Variants in PRKD1 observed in about 807,000 individuals in gnomAD.
The protein encoded by PRKD1 is protein kinase D1, also known as serine/threonine-protein kinase D1.
In PRKD1, 63 loss-of-function variants were observed where a neutral mutation model predicts 95.9. The ratio of observed to expected loss-of-function variants is 0.66; its 90% CI spans 0.54 to 0.81. The LOEUF is 0.81. Ranked by LOEUF, PRKD1 falls within the 30% of genes least tolerant of loss-of-function variation. The probability of loss-of-function intolerance (pLI) is 0.00; values close to 1 mark genes in which losing one functional copy is unlikely to be tolerated. For missense variants in PRKD1, 1,048 were observed against 1,165.3 expected (o/e 0.90, Z 1.47); for synonymous variants, 425 against 423.1 (o/e 1.00, Z -0.05).
At chr14:29,628,528 G>A (rs1418623943) in intron 11 of PRKD1, among the ~76,000 whole-genome samples, 16 of 152,110 alleles carry the variant, frequency 1.1e-4, no homozygotes, top group Admixed American at 1.0e-3. Flanking sequence ...CAGATGACTA[G>A]GGTGCTAAAA....
chr14:29,711,488 G>A (rs530874580), intron 2 of PRKD1, among the ~76,000 whole-genome samples: 1 of 152,216 alleles, frequency 6.6e-6, no homozygotes, highest in South Asian at 2.1e-4. Flanking sequence ...TTCATTGGTG[G>A]TTAGAAACCA....
chr14:29,712,657 T>C (rs1885391315), intron 2 of PRKD1, among the ~76,000 whole-genome samples: 1 of 152,188 alleles, frequency 6.6e-6, no homozygotes, highest in Non-Finnish European at 1.5e-5. Flanking sequence ...GCATTGCTCT[T>C]TCCAAATACA....
At position 29,597,790 on chromosome 14, in the gene PRKD1, G is replaced by T. The variant is rs373595381; in HGVS notation, c.2167-32C>A. 5.7e-6 allele frequency: 9 copies of T among 1,579,888 alleles called. No individual in the cohort carries two copies. The South Asian group carries it at 8.2e-5, about 14-fold the overall frequency. ...ATGAAAGGATTTGCAGAAATACTCC[G>T]TTCACAATTGTGTGTCTGTGTGTCT... On this transcript the variant is annotated intron_variant, in intron 15 of 17. Coordinates refer to ENST00000331968, the MANE Select transcript of PRKD1 (RefSeq NM_002742.3).
intron 1 of PRKD1, among the ~76,000 whole-genome samples, chr14:29,799,252 G>C (rs138291171): frequency 1.3e-5 from 2 of 152,138 alleles, no homozygotes; most frequent in Non-Finnish European, 2.9e-5. Flanking sequence ...GTTTTAACAT[G>C]GTTAAACAAG....
intron 2 of PRKD1, among the ~76,000 whole-genome samples, chr14:29,719,951 T>G (rs546575093): frequency 7.3e-4 from 111 of 152,240 alleles, no homozygotes; most frequent in South Asian, 1.5e-3. Context: ...TTTTGGAGAG[T>G]TATGCTTCAC....
intron 2 of PRKD1, among the ~76,000 whole-genome samples, chr14:29,696,443 T>A (rs1475593796): frequency 6.6e-6 from 1 of 152,168 alleles, no homozygotes; most frequent in Admixed American, 6.5e-5. Flanking sequence ...TAGAGCTGAT[T>A]CCTATGTTTC....
At chr14:29,723,637 T>C (rs904572748) in intron 2 of PRKD1, among the ~76,000 whole-genome samples, 3 of 150,862 alleles carry the variant, frequency 2.0e-5, no homozygotes, top group Non-Finnish European at 4.4e-5. Flanking sequence ...TGGTTATAGG[T>C]AAGCGCAGGA....
chr14:29,704,080 C>T (rs983690691), intron 2 of PRKD1, among the ~76,000 whole-genome samples: 4 of 152,016 alleles, frequency 2.6e-5, no homozygotes, highest in Admixed American at 6.6e-5. Context: ...CAATACAACA[C>T]GGGACAAAAC....
In PRKD1 at chr14:29,579,472, C is replaced by T. The variant is rs45554636; in HGVS notation, c.2435-1112G>A. On this transcript the variant is annotated intron_variant, in intron 16 of 17. Coordinates refer to ENST00000331968, the MANE Select transcript of PRKD1 (RefSeq NM_002742.3). ...CTTAATCAAACAGGCAGCTGATAAA[C>T]GAAAATGAAAATTAACTCCTCATCT... 8.7e-3 allele frequency among the ~76,000 whole-genome samples: 1,330 copies of T among 152,204 alleles called. 12 individuals are homozygous for T. Among genetic ancestry groups the T allele is most frequent in the African/African-American group, 0.029 (1,221 of 41,558 alleles).
At chr14:29,675,153 A>G (rs1013060597) in intron 2 of PRKD1, among the ~76,000 whole-genome samples, 6 of 152,234 alleles carry the variant, frequency 3.9e-5, no homozygotes, top group Non-Finnish European at 8.8e-5. Flanking sequence ...CCTATTCTTC[A>G]CGAAGATTCA....
At chr14:29,581,924 T>C (rs986709361) in intron 16 of PRKD1, among the ~76,000 whole-genome samples, 11 of 152,180 alleles carry the variant, frequency 7.2e-5, no homozygotes, top group Admixed American at 1.3e-4. Flanking sequence ...GCCAGGCCTA[T>C]TAATTATTCT....
At chr14:29,596,671 T>C (rs1045754280) in intron 16 of PRKD1, among the ~76,000 whole-genome samples, 1 of 150,940 alleles carries the variant, frequency 6.6e-6, no homozygotes, top group Admixed American at 6.6e-5. Flanking sequence ...GCCAAGCTGA[T>C]CTTGAACCTC....
At chr14:29,858,402 C>T (rs1892585517) in intron 1 of PRKD1, among the ~76,000 whole-genome samples, 1 of 152,166 alleles carries the variant, frequency 6.6e-6, no homozygotes, top group South Asian at 2.1e-4. Flanking sequence ...CTGAACTGAA[C>T]AGGAAATGTC....
At chr14:29,732,856 AC>A (rs1886508242) in intron 1 of PRKD1, among the ~76,000 whole-genome samples, 1 of 148,550 alleles carries the variant, frequency 6.7e-6, no homozygotes, top group African/African-American at 2.5e-5. Flanking sequence ...TAATTATTTT[AC>A]AGTTTTAATC....
chr14:29,794,793 C>T (rs1889737175), intron 1 of PRKD1, among the ~76,000 whole-genome samples: 1 of 151,902 alleles, frequency 6.6e-6, no homozygotes, highest in African/African-American at 2.4e-5. Context: ...TTGAGGAAGT[C>T]TCAAAAATAG....
At chr14:29,600,898 G>A (rs764791406) in intron 13 of PRKD1, among the ~76,000 whole-genome samples, 15 of 151,292 alleles carry the variant, frequency 9.9e-5, no homozygotes, top group South Asian at 2.1e-4. Flanking sequence ...TTTTTTCTCT[G>A]CACAACAACA....
At chr14:29,607,710 T>C (rs1304925368) in intron 13 of PRKD1, among the ~76,000 whole-genome samples, 1 of 152,222 alleles carries the variant, frequency 6.6e-6, no homozygotes, top group African/African-American at 2.4e-5. Context: ...ACTGTGCTTT[T>C]AGGGGCTCAT....
intron 2 of PRKD1, among the ~76,000 whole-genome samples, chr14:29,720,636 C>T (rs191565891): frequency 1.0e-3 from 159 of 151,828 alleles, no homozygotes; most frequent in Middle Eastern, 3.4e-3. Flanking sequence ...AAAAATTAGC[C>T]GAGCGTGGTG....
At chr14:29,866,199 G>C (rs1232753778) in intron 1 of PRKD1, among the ~76,000 whole-genome samples, 2 of 150,240 alleles carry the variant, frequency 1.3e-5, no homozygotes, top group African/African-American at 2.4e-5. Flanking sequence ...AAAAAAAAAA[G>C]GTTTAACCTT....
Sources: gnomAD v4.1 joint callset for allele counts (sites outside exome capture counted in the v4.1 genomes callset) on GRCh38, gnomAD v4.1.1 for gene constraint, MANE v1.5 for transcripts, NCBI Gene and HGNC (gene_info 2026-07-23, HGNC 2026-07-21) for gene names.